The following GLYATL1 variants were observed in gnomAD, a reference collection of about 807,000 sequenced individuals.
GLYATL1 encodes glycine N-acyltransferase-like protein 1.
Under a neutral mutation model 20.0 loss-of-function variants are expected in GLYATL1, and 15 were observed. The ratio of observed to expected loss-of-function variants is 0.75; its 90% CI spans 0.50 to 1.15. The LOEUF is 1.15. Ranked by LOEUF, GLYATL1 falls within the 50% of genes most tolerant of loss-of-function variation. The pLI is 0.00. For missense variants in GLYATL1, 380 were observed against 368.5 expected (o/e 1.03, Z -0.26); for synonymous variants, 151 against 131.5 (o/e 1.15, Z -1.01).
At chr11:58,927,825 C>T (rs1291297948) in exon 1 of GLYATL1, 1 of 152,178 alleles carries the variant, frequency 6.6e-6, no homozygotes, top group African/African-American at 2.4e-5. Flanking sequence ...TTGGAGGAAG[C>T]TCAGGTAAGA....
At chr11:58,914,975 G>A (rs1855137233) in intron 1 of GLYATL1, among the ~76,000 whole-genome samples, 1 of 152,226 alleles carries the variant, frequency 6.6e-6, no homozygotes, top group South Asian at 2.1e-4. Flanking sequence ...GACAGAGGCA[G>A]TATGTAGGAG....
In GLYATL1 at chr11:58,915,106, C is replaced by T. The variant is rs546996631; in HGVS notation, n.264+9445C>T. 9.2e-5 allele frequency among the ~76,000 whole-genome samples: 14 copies of T among 152,314 alleles called. No individual in the cohort carries two copies. The South Asian group carries it at 2.9e-3, about 32-fold the overall frequency. The stretch of plus-strand genomic sequence containing the variant: ...TCTGTTTCTCTAGCTATCTTGCTGA[C>T]AGAACATGTTGCTCTAAATTCTGCT... On this transcript the variant is annotated intron_variant and non_coding_transcript_variant, in intron 1 of 2. Transcript: ENST00000534674.
chr11:58,947,077 C>T lies in GLYATL1; in HGVS notation c.-11C>T, dbSNP rs1856617650. ...TTCTTCAAGGTCTCAAGGTCTGAAG[C>T]ATCCCACAGAATGATCCTACTGAAT... On this transcript the variant is annotated 5_prime_UTR_variant, in exon 3 of 7. Transcript: ENST00000532726. The T allele has an allele frequency of 1.2e-6, 2 of 1,613,810 alleles. No homozygotes were observed. The highest frequency in any genetic ancestry group is 8.5e-7 in the Non-Finnish European group (1 of 1,179,688).
At chr11:58,934,659 A>C (rs1018815711), upstream of GLYATL1, 1 of 152,250 alleles carries the variant, frequency 6.6e-6, no homozygotes, top group African/African-American at 2.4e-5. Flanking sequence ...GCACCTGCCC[A>C]ATACTGGAGT....
chr11:58,940,488 A>G (rs1419684058), intron 1 of GLYATL1, among the ~76,000 whole-genome samples: 2 of 152,222 alleles, frequency 1.3e-5, no homozygotes, highest in East Asian at 3.9e-4. Flanking sequence ...GTGTAGGCAT[A>G]TGTATTACGT....
chr11:58,910,591 C>T (rs1301283429), downstream of GLYATL1, among the ~76,000 whole-genome samples: 1 of 152,058 alleles, frequency 6.6e-6, no homozygotes, highest in African/African-American at 2.4e-5. Flanking sequence ...ACGGCATCCA[C>T]TTATAGAACA....
intron 1 of GLYATL1, among the ~76,000 whole-genome samples, chr11:58,929,871 C>T (rs1855535983): frequency 6.6e-6 from 1 of 152,220 alleles, no homozygotes; most frequent in Non-Finnish European, 1.5e-5. Context: ...GATTCTTTCA[C>T]CTGCATCATG....
At chr11:58,905,824 C>T (rs908965160) in intron 1 of GLYATL1, among the ~76,000 whole-genome samples, 3 of 152,268 alleles carry the variant, frequency 2.0e-5, no homozygotes, top group Non-Finnish European at 2.9e-5. Flanking sequence ...CGTGCACTCT[C>T]ATCCCTTTTC....
intron 1 of GLYATL1, among the ~76,000 whole-genome samples, chr11:58,906,347 G>C (rs1854884384): frequency 6.6e-6 from 1 of 152,170 alleles, no homozygotes; most frequent in Non-Finnish European, 1.5e-5. Context: ...GTTTGACCCT[G>C]GTGGATCCTT....
downstream of GLYATL1, among the ~76,000 whole-genome samples, chr11:58,909,838 A>G (rs2134645018): frequency 6.6e-6 from 1 of 152,342 alleles, no homozygotes; most frequent in Middle Eastern, 3.4e-3. Context: ...TGTTCACATG[A>G]GTGGATATTC....
chr11:58,914,665 A>G (rs1263819940), intron 1 of GLYATL1, among the ~76,000 whole-genome samples: 1 of 152,124 alleles, frequency 6.6e-6, no homozygotes, highest in Non-Finnish European at 1.5e-5. Flanking sequence ...GTGTGCATGG[A>G]GGTGATAGGA....
intron 1 of GLYATL1, among the ~76,000 whole-genome samples, chr11:58,922,426 A>G (rs1035340571): frequency 1.3e-5 from 2 of 151,970 alleles, no homozygotes; most frequent in African/African-American, 4.9e-5. Context: ...GGCCATGCTC[A>G]TTATAATAGG....
chr11:58,952,299 A>G (rs1857050800), intron 4 of GLYATL1, among the ~76,000 whole-genome samples: 1 of 152,198 alleles, frequency 6.6e-6, no homozygotes, highest in African/African-American at 2.4e-5. Flanking sequence ...CTTCCAATCA[A>G]AGCCATCCTG....
intron 2 of GLYATL1, among the ~76,000 whole-genome samples, chr11:58,945,691 CAG>C (rs1856520308): frequency 6.6e-6 from 1 of 151,838 alleles, no homozygotes; most frequent in Non-Finnish European, 1.5e-5. Flanking sequence ...AGGTGAGAAA[CAG>C]AGCAAAGAAA....
downstream of GLYATL1, among the ~76,000 whole-genome samples, chr11:58,912,448 G>A (rs923148294): frequency 6.6e-6 from 1 of 152,126 alleles, no homozygotes; most frequent in South Asian, 2.1e-4. Context: ...AGAAACCCTT[G>A]CTTCCTCCAC....
intron 5 of GLYATL1, 95 bp downstream of exon 5, chr11:58,954,991 T>C: frequency 7.3e-7 from 1 of 1,374,082 alleles, no homozygotes; most frequent in East Asian, 2.4e-5. Context: ...ATTAGAAATG[T>C]AAATTCACAG....
intron 4 of GLYATL1, among the ~76,000 whole-genome samples, chr11:58,948,306 G>C (rs952290911): frequency 2.0e-5 from 3 of 152,132 alleles, no homozygotes; most frequent in African/African-American, 7.2e-5. Context: ...TAGAACAGTG[G>C]CTTAGAAACA....
chr11:58,929,614 G>GTTTTT, intron 1 of GLYATL1, among the ~76,000 whole-genome samples: 1 of 151,858 alleles, frequency 6.6e-6, no homozygotes, highest in Non-Finnish European at 1.5e-5. Flanking sequence ...TTTTTTCTAG[G>GTTTTT]TCTGACAGGA....
At chr11:58,941,295 G>T (rs540462371) in intron 1 of GLYATL1, among the ~76,000 whole-genome samples, 2 of 149,152 alleles carry the variant, frequency 1.3e-5, no homozygotes, top group Admixed American at 6.8e-5. Flanking sequence ...GCGGTGTTTG[G>T]TTTTTTGTCC....
Sources: gnomAD v4.1 joint callset for allele counts (sites outside exome capture counted in the v4.1 genomes callset) on GRCh38, gnomAD v4.1.1 for gene constraint, MANE v1.5 for transcripts, NCBI Gene and HGNC (gene_info 2026-07-23, HGNC 2026-07-21) for gene names.